ARL3: variants seen among roughly 807,000 people sequenced by gnomAD.
The protein encoded by ARL3 is ARF like GTPase 3.
Under a neutral mutation model 26.0 loss-of-function variants are expected in ARL3, and 9 were observed. The ratio of observed to expected loss-of-function variants is 0.35; its 90% CI spans 0.21 to 0.60. The LOEUF is 0.60. Among genes scored for constraint, ARL3 ranks in the 20% least tolerant of loss-of-function variants. The pLI, the probability that ARL3 is intolerant of heterozygous loss-of-function variation, is 0.78. For missense variants in ARL3, 158 were observed against 215.7 expected, an observed-to-expected ratio of 0.73 and a Z score of 1.67; for synonymous variants, 71 against 78.4, an observed-to-expected ratio of 0.91 and a Z score of 0.50.
At chr10:102,697,242 C>T (rs2064253431) in intron 3 of ARL3, among the ~76,000 whole-genome samples, 1 of 151,058 alleles carries the variant, frequency 6.6e-6, no homozygotes, top group Non-Finnish European at 1.5e-5. Flanking sequence ...TGCAGTGGCG[C>T]AATCTTGGCT....
intron 5 of ARL3, 144 bp downstream of exon 5, chr10:102,685,672 C>T (rs1177561803): frequency 1.2e-6 from 1 of 840,972 alleles, no homozygotes; most frequent in Non-Finnish European, 1.8e-6. Flanking sequence ...TGATTGGTTG[C>T]TAAGCAGAAA....
chr10:102,678,740 T>C (rs1392562400), intron 5 of ARL3, among the ~76,000 whole-genome samples: 3 of 152,172 alleles, frequency 2.0e-5, no homozygotes, highest in African/African-American at 7.2e-5. Context: ...GGCAAAGAGA[T>C]AGGAAAAATA....
At chr10:102,711,041 TA>T (rs1396555835) in intron 1 of ARL3, among the ~76,000 whole-genome samples, 1 of 152,244 alleles carries the variant, frequency 6.6e-6, no homozygotes, top group Non-Finnish European at 1.5e-5. Flanking sequence ...AACAGTCAAG[TA>T]CATACGGTCC....
chr10:102,690,746 C>T (rs2064212682), intron 3 of ARL3, among the ~76,000 whole-genome samples: 1 of 152,014 alleles, frequency 6.6e-6, no homozygotes, highest in Non-Finnish European at 1.5e-5. Context: ...ATACCCTATC[C>T]CCTCCCTTCC....
intron 3 of ARL3, among the ~76,000 whole-genome samples, chr10:102,693,230 T>C (rs2064229142): frequency 6.6e-6 from 1 of 152,232 alleles, no homozygotes; most frequent in South Asian, 2.1e-4. Flanking sequence ...CTGGACTGTA[T>C]GCTAAGACTA....
chr10:102,681,392 CAA>C (rs11421481), intron 5 of ARL3, among the ~76,000 whole-genome samples: 2 of 132,638 alleles, frequency 1.5e-5, no homozygotes. Flanking sequence ...AACTCCATCT[CAA>C]AAAAAAAAAA....
intron 5 of ARL3, among the ~76,000 whole-genome samples, chr10:102,680,177 C>A (rs557895012): frequency 1.3e-5 from 2 of 152,326 alleles, no homozygotes; most frequent in South Asian, 2.1e-4. Flanking sequence ...ATCTCCTGAT[C>A]TTGTGATCCA....
rs747093638 is a variant in ARL3 at position 102,705,306 on chromosome 10, T to C, written c.147+40A>G. The C allele has an allele frequency of 1.1e-5, 17 of 1,521,478 alleles. No individual in the cohort carries two copies. In the South Asian group the frequency reaches 2.1e-4, roughly 19 times the overall value. 94.2% of individuals were successfully genotyped at this position (1,521,478 alleles called of 1,614,324 possible). A position where few individuals can be genotyped will look rare whatever the true frequency, so the allele number is the denominator to read the frequency against. On this transcript the variant is annotated intron_variant, in intron 2 of 5. Transcript: ENST00000260746. ...GTCTTTCACATTGCTATTATCGTCT[T>C]CCTGTGTCACACGGCATCTGGAGCC... is the stretch of plus-strand genomic sequence containing the variant.
intron 1 of ARL3, among the ~76,000 whole-genome samples, chr10:102,706,586 G>C (rs2064312325): frequency 6.6e-6 from 1 of 152,080 alleles, no homozygotes; most frequent in Admixed American, 6.6e-5. Flanking sequence ...GAAAAATTTG[G>C]TACAACAGAG....
chr10:102,714,256 C>G lies in ARL3; in HGVS notation c.3+17G>C, dbSNP rs1368678152. The G allele has an allele frequency of 7.6e-7, 1 of 1,313,406 alleles. No homozygotes were observed. Among genetic ancestry groups the G allele is most frequent in the Non-Finnish European group, 9.8e-7 (1 of 1,022,518 alleles). The allele number at this position is 1,313,406 out of a possible 1,614,324, so 81.4% of individuals were successfully genotyped here. On this transcript the variant is annotated intron_variant, in intron 1 of 5. Transcript: ENST00000260746. ...ATAACCGGCCGGCTCCAAGGGGGCC[C>G]AGGCCCCCACACTCACCATCCTCCC... is the stretch of plus-strand genomic sequence containing the variant.
At position 102,683,869 on chromosome 10, in the gene ARL3, C is replaced by G. The variant is rs184059516; in HGVS notation, c.501+1947G>C. Among the ~76,000 whole-genome samples the G allele has an allele frequency of 9.2e-5, 14 of 152,262 alleles. No homozygotes were observed. The East Asian group carries it at 2.1e-3, about 23-fold the overall frequency. ...CAGGAGATCCCTCTCTACCTCCAGG[C>G]TTCTCTGAAGCAGTGTCCTTGACTT... On this transcript the variant is annotated intron_variant, in intron 5 of 5. Transcript: ENST00000260746.
In ARL3 at chr10:102,680,108, T is replaced by A. The variant is rs535359755; in HGVS notation, c.502-3167A>T. ...ACAGGCGCCCGCCACCATGCCCGACTAATATTTTTGTATTTTTAGTAGAGA... is the reference window on the plus strand; with the variant it reads ...ACAGGCGCCCGCCACCATGCCCGACAAATATTTTTGTATTTTTAGTAGAGA... On this transcript the variant is annotated intron_variant, in intron 5 of 5. Transcript: ENST00000260746. Among the ~76,000 whole-genome samples the A allele has an allele frequency of 6.6e-4, 101 of 152,240 alleles. 1 individual carries two copies. The highest frequency in any genetic ancestry group is 1.3e-3 in the Non-Finnish European group (89 of 68,022).
intron 2 of ARL3, among the ~76,000 whole-genome samples, chr10:102,703,661 T>C (rs550363128): frequency 6.6e-6 from 1 of 150,824 alleles, no homozygotes; most frequent in South Asian, 2.1e-4. Flanking sequence ...GCCAGGATGG[T>C]CTCGATCTCC....
At chr10:102,686,430 T>G (rs1016055661) in intron 4 of ARL3, among the ~76,000 whole-genome samples, 1 of 150,632 alleles carries the variant, frequency 6.6e-6, no homozygotes, top group African/African-American at 2.4e-5. Flanking sequence ...CTAGCAACTT[T>G]CAAGAGTAGT....
intron 5 of ARL3, among the ~76,000 whole-genome samples, chr10:102,681,284 C>T (rs1210038799): frequency 2.0e-5 from 3 of 149,948 alleles, no homozygotes; most frequent in Non-Finnish European, 4.4e-5. Flanking sequence ...CCCAGCTACT[C>T]GGGAGGCTGA....
chr10:102,677,673 AG>A (rs2064136955), intron 5 of ARL3, among the ~76,000 whole-genome samples: 1 of 152,180 alleles, frequency 6.6e-6, no homozygotes, highest in Non-Finnish European at 1.5e-5. Context: ...TACGGATGCC[AG>A]GCCTGTCAGA....
At chr10:102,681,608 G>T (rs931200123) in intron 5 of ARL3, among the ~76,000 whole-genome samples, 1 of 152,032 alleles carries the variant, frequency 6.6e-6, no homozygotes, top group African/African-American at 2.4e-5. Flanking sequence ...CATGGCTCCT[G>T]TCTCCAGGAG....
At chr10:102,687,966 AC>A (rs2064196417) in intron 4 of ARL3, among the ~76,000 whole-genome samples, 1 of 152,102 alleles carries the variant, frequency 6.6e-6, no homozygotes, top group African/African-American at 2.4e-5. Context: ...TGAAATTTAA[AC>A]TGAAAATGAC....
intron 3 of ARL3, among the ~76,000 whole-genome samples, chr10:102,692,715 TTTC>T (rs974104502): frequency 1.3e-5 from 2 of 151,040 alleles, no homozygotes; most frequent in African/African-American, 4.9e-5. Context: ...CCGTGTCTTT[TTTC>T]TTTTTTTTGA....
Sources: allele counts gnomAD v4.1 joint callset (sites outside exome capture counted in the v4.1 genomes callset), GRCh38; gene constraint gnomAD v4.1.1; transcripts MANE v1.5; gene names NCBI Gene and HGNC (gene_info 2026-07-23, HGNC 2026-07-21).